PRKAR1B: variants seen among roughly 807,000 people sequenced by gnomAD.
PRKAR1B encodes cAMP-dependent protein kinase type I-beta regulatory subunit.
PRKAR1B carries 22 observed loss-of-function variants against 46.5 expected under a neutral mutation model. That is an observed-to-expected ratio of 0.47 (90% CI 0.34 to 0.68). The LOEUF (loss-of-function observed/expected upper bound fraction) is 0.68, where lower values mean the gene tolerates loss of function less well. Among genes scored for constraint, PRKAR1B ranks in the 30% least tolerant of loss-of-function variants. The pLI, the probability that PRKAR1B is intolerant of heterozygous loss-of-function variation, is 0.01. For missense variants in PRKAR1B, 445 were observed against 535.6 expected (o/e 0.83, Z 1.67); for synonymous variants, 259 against 217.7 (o/e 1.19, Z -1.67).
At chr7:670,827 C>T (rs1225555298) in intron 4 of PRKAR1B, among the ~76,000 whole-genome samples, 2 of 151,440 alleles carry the variant, frequency 1.3e-5, no homozygotes, top group Non-Finnish European at 1.5e-5. Context: ...CCGTGGCATC[C>T]GGCAGCGGGG....
intron 2 of PRKAR1B, among the ~76,000 whole-genome samples, chr7:696,065 C>A (rs904760336): frequency 6.7e-6 from 1 of 149,754 alleles, no homozygotes; most frequent in African/African-American, 2.5e-5. Flanking sequence ...ACCACCCAGG[C>A]TCAAGCAATC....
chr7:562,930 G>A (rs1778895353), intron 9 of PRKAR1B, among the ~76,000 whole-genome samples: 1 of 152,064 alleles, frequency 6.6e-6, no homozygotes, highest in African/African-American at 2.4e-5. Flanking sequence ...TGCTTTCTCA[G>A]CCAAGTCTCA....
chr7:606,973 TTA>T (rs1021486808), intron 5 of PRKAR1B, among the ~76,000 whole-genome samples: 8 of 152,124 alleles, frequency 5.3e-5, no homozygotes, highest in South Asian at 2.1e-4. Flanking sequence ...TATATGCATA[TTA>T]TATGTGTGTA....
intron 9 of PRKAR1B, among the ~76,000 whole-genome samples, chr7:556,200 G>A (rs1778417377): frequency 6.6e-6 from 1 of 152,030 alleles, no homozygotes. Context: ...TCAGGTGGGG[G>A]CATTCGTGCT....
intron 9 of PRKAR1B, among the ~76,000 whole-genome samples, chr7:556,126 A>G (rs1018370536): frequency 3.9e-5 from 6 of 152,054 alleles, no homozygotes; most frequent in Non-Finnish European, 7.4e-5. Flanking sequence ...AGGCACCCCC[A>G]GGCCACCCTG....
chr7:583,434 C>A (rs1176715290), intron 8 of PRKAR1B, among the ~76,000 whole-genome samples: 6 of 145,114 alleles, frequency 4.1e-5, no homozygotes, highest in African/African-American at 1.6e-4. Context: ...ACGCACACAC[C>A]CACAGTGCAC....
chr7:675,701 A>G (rs539824429), intron 4 of PRKAR1B, among the ~76,000 whole-genome samples: 1 of 152,268 alleles, frequency 6.6e-6, no homozygotes, highest in Admixed American at 6.5e-5. Flanking sequence ...TAATCCCAGC[A>G]CTTTGGGAGG....
chr7:582,052 C>T (rs1303446112), intron 8 of PRKAR1B, among the ~76,000 whole-genome samples: 3 of 152,244 alleles, frequency 2.0e-5, no homozygotes, highest in Non-Finnish European at 4.4e-5. Context: ...GATCCATCCC[C>T]ATTCACCATG....
intron 2 of PRKAR1B, among the ~76,000 whole-genome samples, chr7:709,693 G>C (rs766990583): frequency 1.3e-5 from 2 of 151,994 alleles, no homozygotes; most frequent in Admixed American, 6.6e-5. Flanking sequence ...TCTGAGACAG[G>C]GTTTCGCTCT....
At chr7:675,716 G>A (rs778861351) in intron 4 of PRKAR1B, among the ~76,000 whole-genome samples, 2 of 152,152 alleles carry the variant, frequency 1.3e-5, no homozygotes, top group East Asian at 3.9e-4. Context: ...GGGAGGCCGA[G>A]GCAGGTGGAT....
intron 9 of PRKAR1B, among the ~76,000 whole-genome samples, chr7:553,750 G>A (rs947510359): frequency 6.6e-6 from 1 of 152,230 alleles, no homozygotes; most frequent in African/African-American, 2.4e-5. Flanking sequence ...GAGAGATGTG[G>A]GTCAGGAGAC....
rs1179982410 is a variant in PRKAR1B at position 550,344 on chromosome 7, A to T, written c.*86T>A. The T allele has an allele frequency of 2.3e-6, 3 of 1,329,050 alleles. No individual in the cohort carries two copies. The highest frequency in any genetic ancestry group is 3.1e-6 in the Non-Finnish European group (3 of 954,214). 82.3% of individuals were successfully genotyped at this position (1,329,050 alleles called of 1,614,324 possible). A position where few individuals can be genotyped will look rare whatever the true frequency, so the allele number is the denominator to read the frequency against. Reference sequence around the variant, plus strand: ...CCCAGCCCCACCCGGCCCACACCTCACACAGCGGCTCCCGGGCCCCCGACA... The same window carrying T: ...CCCAGCCCCACCCGGCCCACACCTCTCACAGCGGCTCCCGGGCCCCCGACA... On this transcript the variant is annotated 3_prime_UTR_variant, in exon 11 of 11. Transcript: ENST00000537384.
rs1333717229 is a variant in PRKAR1B, at chr7:583,509, A to G, written c.769+999T>C. Among the ~76,000 whole-genome samples, 4 of 140,302 alleles carry G rather than the reference A, an allele frequency of 2.9e-5. No homozygotes were observed. In the Admixed American group the frequency reaches 2.9e-4, roughly 10 times the overall value. The allele number at this position is 140,302 out of a possible 152,430, so 92.0% of individuals were successfully genotyped here. A position where few individuals can be genotyped will look rare whatever the true frequency, so the allele number is the denominator to read the frequency against. On this transcript the variant is annotated intron_variant, in intron 8 of 10. Transcript: ENST00000537384. ...CACACGTGTGTGCACACCCATACAC[A>G]CCCACACACGCGTGCACACACCCAC...
intron 1 of PRKAR1B, among the ~76,000 whole-genome samples, chr7:716,144 C>T (rs1166737928): frequency 6.6e-6 from 1 of 151,938 alleles, no homozygotes; most frequent in Non-Finnish European, 1.5e-5. Flanking sequence ...AATTCCTGGG[C>T]TCAAGCCATC....
At chr7:572,745 G>A (rs1779596842) in intron 9 of PRKAR1B, among the ~76,000 whole-genome samples, 1 of 152,250 alleles carries the variant, frequency 6.6e-6, no homozygotes, top group Non-Finnish European at 1.5e-5. Context: ...CAGGTGGAGG[G>A]TAGGCGGGAG....
chr7:571,658 G>A (rs953229412), intron 9 of PRKAR1B, among the ~76,000 whole-genome samples: 24 of 152,192 alleles, frequency 1.6e-4, no homozygotes, highest in African/African-American at 5.8e-4. Context: ...ACGGGGAACC[G>A]GCTCCCGGGG....
chr7:721,985 A>C (rs1781089847), intron 1 of PRKAR1B, among the ~76,000 whole-genome samples: 1 of 151,182 alleles, frequency 6.6e-6, no homozygotes, highest in Non-Finnish European at 1.5e-5. Flanking sequence ...CAGGAGTTTA[A>C]TTGTGATGTG....
intron 4 of PRKAR1B, among the ~76,000 whole-genome samples, chr7:628,999 G>A (rs73254208): frequency 0.067 from 10,260 of 152,234 alleles, 372 homozygotes; most frequent in Middle Eastern, 0.1. Context: ...GTGCCACTCC[G>A]CCACCGCGGG....
At chr7:631,312 G>T (rs909508322) in intron 4 of PRKAR1B, among the ~76,000 whole-genome samples, 1 of 152,224 alleles carries the variant, frequency 6.6e-6, no homozygotes, top group African/African-American at 2.4e-5. Flanking sequence ...ACAGTGGCCA[G>T]GTGTGGACAG....
Sources: allele counts gnomAD v4.1 joint callset (sites outside exome capture counted in the v4.1 genomes callset), GRCh38; gene constraint gnomAD v4.1.1; transcripts MANE v1.5; gene names NCBI Gene and HGNC (gene_info 2026-07-23, HGNC 2026-07-21).